The following PPP2R5E variants were observed in gnomAD, a reference collection of about 807,000 sequenced individuals.
PPP2R5E encodes the protein serine/threonine-protein phosphatase 2A 56 kDa regulatory subunit epsilon isoform.
In PPP2R5E, 4 loss-of-function variants were observed where a neutral mutation model predicts 65.3. The ratio of observed to expected loss-of-function variants is 0.06; its 90% CI spans 0.03 to 0.14. PPP2R5E has a LOEUF of 0.14. Ranked by LOEUF, PPP2R5E falls within the 10% of genes least tolerant of loss-of-function variation. The pLI, the probability that PPP2R5E is intolerant of heterozygous loss-of-function variation, is 1.00. For missense variants in PPP2R5E, 274 were observed against 556.1 expected, an observed-to-expected ratio of 0.49 and a Z score of 5.10; for synonymous variants, 183 against 187.4, an observed-to-expected ratio of 0.98 and a Z score of 0.19.
At chr14:63,515,205 C>T (rs555362606) in intron 2 of PPP2R5E, among the ~76,000 whole-genome samples, 15 of 152,244 alleles carry the variant, frequency 9.9e-5, no homozygotes, top group Admixed American at 3.9e-4. Flanking sequence ...AACAACTATA[C>T]GGGACACTAT....
intron 12 of PPP2R5E, 23 bp downstream of exon 12, chr14:63,384,421 G>A (rs1008849055): frequency 6.2e-7 from 1 of 1,604,842 alleles, no homozygotes; most frequent in Non-Finnish European, 8.5e-7. Context: ...GAAGAGAACG[G>A]AGGAAAGAAA....
intron 5 of PPP2R5E, among the ~76,000 whole-genome samples, chr14:63,409,227 T>C (rs890867853): frequency 3.3e-5 from 5 of 151,992 alleles, no homozygotes; most frequent in Admixed American, 2.6e-4. Context: ...AGCAAGACTC[T>C]GTCTCAAAAA....
intron 3 of PPP2R5E, among the ~76,000 whole-genome samples, chr14:63,446,748 G>A (rs1250942654): frequency 2.0e-5 from 3 of 149,080 alleles, no homozygotes; most frequent in Admixed American, 6.8e-5. Flanking sequence ...AGAATGGCGT[G>A]AACCCAGGAG....
chr14:63,429,525 G>A (rs767433363), intron 3 of PPP2R5E, among the ~76,000 whole-genome samples: 10 of 152,042 alleles, frequency 6.6e-5, no homozygotes, highest in Non-Finnish European at 1.3e-4. Flanking sequence ...GTATCCCTGA[G>A]TTTTCTCATC....
rs1375365010 is a variant in PPP2R5E, at chr14:63,395,255, A to T, written c.711T>A (p.Gly237=). 6.2e-7 allele frequency: 1 copy of T among 1,610,952 alleles called. No individual in the cohort carries two copies. The highest frequency in any genetic ancestry group is 2.2e-5 in the East Asian group (1 of 44,824). The part of the protein sequence containing the change: ...RFVYETEHFN[G]VAELLEILGS... ...CTAATATTTCCAGCAGTTCAGCTACACCATTGAAGTGTTCTGTTTCATAAA... is the reference window on the plus strand; with the variant it reads ...CTAATATTTCCAGCAGTTCAGCTACTCCATTGAAGTGTTCTGTTTCATAAA... Residue 237 remains glycine (G), a synonymous_variant, in exon 7 of 14, where the codon GGT becomes GGA. Transcript: ENST00000337537.
chr14:63,458,482 C>T (rs1889265706), intron 2 of PPP2R5E, among the ~76,000 whole-genome samples: 1 of 152,160 alleles, frequency 6.6e-6, no homozygotes, highest in African/African-American at 2.4e-5. Flanking sequence ...TACTCTGGGA[C>T]TCCGATCAAC....
At chr14:63,486,430 A>G (rs1023633452) in intron 2 of PPP2R5E, among the ~76,000 whole-genome samples, 1 of 151,862 alleles carries the variant, frequency 6.6e-6, no homozygotes, top group African/African-American at 2.4e-5. Flanking sequence ...CAAAAGGAGC[A>G]CTCTTTTCTG....
intron 2 of PPP2R5E, among the ~76,000 whole-genome samples, chr14:63,455,547 C>G (rs912982071): frequency 6.6e-6 from 1 of 152,170 alleles, no homozygotes; most frequent in African/African-American, 2.4e-5. Flanking sequence ...AGGTCTTATC[C>G]TATGCCCCCC....
At chr14:63,440,892 T>C (rs1594878106) in intron 3 of PPP2R5E, among the ~76,000 whole-genome samples, 1 of 139,056 alleles carries the variant, frequency 7.2e-6, no homozygotes, top group East Asian at 2.2e-4. Flanking sequence ...GAGCTTGCAG[T>C]GAGCCGAGAT....
At chr14:63,379,554 G>A (rs978184671) in intron 13 of PPP2R5E, among the ~76,000 whole-genome samples, 3 of 152,188 alleles carry the variant, frequency 2.0e-5, no homozygotes, top group Non-Finnish European at 4.4e-5. Context: ...TTACAGGCGT[G>A]AGCCACTACG....
chr14:63,467,537 A>C (rs1215943128), intron 2 of PPP2R5E, among the ~76,000 whole-genome samples: 2 of 152,168 alleles, frequency 1.3e-5, no homozygotes, highest in Non-Finnish European at 2.9e-5. Context: ...TCTTCCACTT[A>C]AGGAGCCAGA....
intron 2 of PPP2R5E, among the ~76,000 whole-genome samples, chr14:63,517,979 T>C (rs1481008216): frequency 6.6e-6 from 1 of 152,220 alleles, no homozygotes; most frequent in Non-Finnish European, 1.5e-5. Flanking sequence ...GTTCATAAAA[T>C]AGGGAATTAA....
At chr14:63,540,339 G>T (rs1988781) in intron 1 of PPP2R5E, among the ~76,000 whole-genome samples, 3,406 of 147,880 alleles carry the variant, frequency 0.023, 135 homozygotes, top group African/African-American at 0.081. Flanking sequence ...GCTGAGAAGG[G>T]AGAACCGCTT....
intron 5 of PPP2R5E, among the ~76,000 whole-genome samples, chr14:63,397,883 G>A (rs186137015): frequency 1.3e-5 from 2 of 151,858 alleles, no homozygotes; most frequent in Admixed American, 6.6e-5. Flanking sequence ...ACCTACCACC[G>A]TGCCCAGCTA....
chr14:63,427,597 T>C (rs1056544684), intron 3 of PPP2R5E, among the ~76,000 whole-genome samples: 7 of 151,650 alleles, frequency 4.6e-5, no homozygotes, highest in African/African-American at 1.5e-4. Flanking sequence ...CCTGGTGACA[T>C]AGCAAGACCC....
At chr14:63,453,276 A>G (rs565106286) in intron 3 of PPP2R5E, 22 of 153,796 alleles carry the variant, frequency 1.4e-4, no homozygotes, top group Non-Finnish European at 3.0e-4. Context: ...ACAAATCACA[A>G]TTTTATTAAG....
intron 2 of PPP2R5E, among the ~76,000 whole-genome samples, chr14:63,456,418 T>C (rs1413427810): frequency 6.6e-6 from 1 of 152,240 alleles, no homozygotes; most frequent in Non-Finnish European, 1.5e-5. Context: ...TGCAAAGTGA[T>C]ATAATGTCAT....
chr14:63,385,203 A>G (rs1344876848), intron 11 of PPP2R5E, among the ~76,000 whole-genome samples: 1 of 152,002 alleles, frequency 6.6e-6, no homozygotes, highest in Non-Finnish European at 1.5e-5. Flanking sequence ...GCATGTGCCT[A>G]TAGTCCCACC....
intron 2 of PPP2R5E, among the ~76,000 whole-genome samples, chr14:63,485,508 A>G (rs972880230): frequency 3.9e-5 from 6 of 152,126 alleles, no homozygotes; most frequent in African/African-American, 1.4e-4. Context: ...TCTGCCTCCC[A>G]GGTTCAAGCG....
Sources: gnomAD v4.1 joint callset for allele counts (sites outside exome capture counted in the v4.1 genomes callset) on GRCh38, gnomAD v4.1.1 for gene constraint, MANE v1.5 for transcripts, NCBI Gene and HGNC (gene_info 2026-07-23, HGNC 2026-07-21) for gene names.